PUDP: variants seen among roughly 807,000 people sequenced by gnomAD.
The protein encoded by PUDP is pseudouridine-5'-phosphatase.
In PUDP, 8 loss-of-function variants were observed where a neutral mutation model predicts 9.4. That is an observed-to-expected ratio of 0.85 (90% CI 0.50 to 1.53). The LOEUF (loss-of-function observed/expected upper bound fraction) is 1.53. Ranked by LOEUF, PUDP falls within the 40% of genes most tolerant of loss-of-function variation. PUDP has a pLI of 0.00. For synonymous variants in PUDP, 99 were observed against 80.7 expected, an observed-to-expected ratio of 1.23 and a Z score of -1.22; for missense variants, 188 against 189.7, an observed-to-expected ratio of 0.99 and a Z score of 0.05.
intron 3 of PUDP, among the ~76,000 whole-genome samples, chrX:6,767,977 C>T (rs972577154): frequency 9.0e-6 from 1 of 111,544 alleles, no homozygotes; most frequent in Non-Finnish European, 1.9e-5. Context: ...CTCTCGTTTC[C>T]CATGTACTCA....
At chrX:7,044,860 T>C (rs1326074163), downstream of PUDP, among the ~76,000 whole-genome samples, 1 of 112,926 alleles carries the variant, frequency 8.9e-6, no homozygotes, top group Non-Finnish European at 1.9e-5. Context: ...CGTCTGTGCC[T>C]TTCTTTGCTA....
At chrX:6,751,995 ATCT>A (rs1925097117) in intron 3 of PUDP, among the ~76,000 whole-genome samples, 1 of 110,784 alleles carries the variant, frequency 9.0e-6, no homozygotes, top group Non-Finnish European at 1.9e-5. Context: ...TCTATGTTTC[ATCT>A]CATCATTTCC....
At chrX:6,795,639 A>G (rs1471489064) in intron 3 of PUDP, among the ~76,000 whole-genome samples, 3 of 111,458 alleles carry the variant, frequency 2.7e-5, no homozygotes, top group African/African-American at 9.8e-5. Flanking sequence ...GAAACCTACC[A>G]TTTGGCTTAA....
Position 7,077,240 on chromosome X carries a change from G to A in PUDP, c.490C>T (p.Pro164Ser), listed in dbSNP as rs749492920. Residue 164 changes from proline to serine, a missense_variant, in exon 3 of 4, where the codon CCC becomes TCC. Physicochemically the swap from Pro to Ser is moderately conservative, Grantham distance 74 (BLOSUM62 -1). Transcript: ENST00000381077. ...IFLACAKRFS[P>S]PPAMEKCLVF... The stretch of plus-strand genomic sequence containing the variant: ...CTTACCTTCTCCATAGCAGGAGGGG[G>A]AGAGAACCTCTTGGCACAAGCTAGG... 8.4e-7 allele frequency: 1 copy of A among 1,196,644 alleles called. No individual in the cohort carries two copies. The highest frequency in any genetic ancestry group is 1.1e-6 in the Non-Finnish European group (1 of 887,875).
chrX:6,776,533 AAAAC>A (rs1338148288), intron 3 of PUDP, among the ~76,000 whole-genome samples: 3 of 111,036 alleles, frequency 2.7e-5, no homozygotes, highest in African/African-American at 9.8e-5. Flanking sequence ...TCCATCACAA[AAAAC>A]AAACAAACAA....
chrX:6,847,941 T>C, intron 3 of PUDP, among the ~76,000 whole-genome samples: 1 of 111,860 alleles, frequency 8.9e-6, no homozygotes, highest in Middle Eastern at 4.6e-3. Context: ...ATATGTGATA[T>C]TGGCCAAAGC....
At chrX:6,804,417 T>C (rs1354060882) in intron 3 of PUDP, among the ~76,000 whole-genome samples, 2 of 111,770 alleles carry the variant, frequency 1.8e-5, no homozygotes, top group Admixed American at 1.9e-4. Context: ...TAGCTGAATT[T>C]CCTTACCTAT....
chrX:6,752,392 T>G (rs182706527), intron 3 of PUDP, among the ~76,000 whole-genome samples: 19 of 111,643 alleles, frequency 1.7e-4, no homozygotes, highest in African/African-American at 6.2e-4. Context: ...AGAGGTGGAC[T>G]TTCACCTGAA....
At chrX:7,036,158 C>G (rs1929850252) in intron 1 of PUDP, among the ~76,000 whole-genome samples, 1 of 111,954 alleles carries the variant, frequency 8.9e-6, no homozygotes, top group African/African-American at 3.3e-5. Flanking sequence ...TATAAATTAT[C>G]CAGCCTCAGG....
intron 3 of PUDP, among the ~76,000 whole-genome samples, chrX:6,941,341 C>CTTTTTTT (rs761887998): frequency 2.5e-5 from 2 of 78,646 alleles, no homozygotes; most frequent in African/African-American, 9.7e-5. Flanking sequence ...TCTTTTCTGT[C>CTTTTTTT]TTTTTTTTTT....
intron 3 of PUDP, among the ~76,000 whole-genome samples, chrX:6,790,882 G>C (rs1315894769): frequency 8.9e-6 from 1 of 112,079 alleles, no homozygotes; most frequent in Non-Finnish European, 1.9e-5. Context: ...ATGTAGACTT[G>C]AGATTTCTGC....
chrX:7,077,549 A>G, intron 2 of PUDP, 100 bp from the exon 3 acceptor site: 1 of 616,205 alleles, frequency 1.6e-6, no homozygotes, highest in Non-Finnish European at 2.6e-6. Context: ...GCACACTCTC[A>G]GGCTGCTCCT....
At chrX:7,043,072 T>C (rs1474113461) in intron 1 of PUDP, among the ~76,000 whole-genome samples, 1 of 111,716 alleles carries the variant, frequency 9.0e-6, no homozygotes, top group Non-Finnish European at 1.9e-5. Flanking sequence ...GTTTTTGCTT[T>C]TTTACCCCCA....
chrX:6,955,153 C>T (rs1372833010), intron 3 of PUDP, among the ~76,000 whole-genome samples: 1 of 111,912 alleles, frequency 8.9e-6, no homozygotes, highest in Non-Finnish European at 1.9e-5. Context: ...AGATTAAATT[C>T]TTTACTACAT....
At chrX:7,054,387 G>A (rs1158042274) in intron 3 of PUDP, among the ~76,000 whole-genome samples, 2 of 106,489 alleles carry the variant, frequency 1.9e-5, no homozygotes, top group Non-Finnish European at 3.9e-5. Flanking sequence ...TCCAGACTGG[G>A]CCACAGAGTG....
chrX:7,141,671 G>C (rs937655219), intron 1 of PUDP, among the ~76,000 whole-genome samples: 1 of 112,635 alleles, frequency 8.9e-6, no homozygotes, highest in Non-Finnish European at 1.9e-5. Context: ...AGACAAAACA[G>C]CCTTCTATTG....
rs1358665012 is a variant in PUDP at position 7,103,008 on chromosome X, T to C, written c.280+2612A>G. ...ACATTCATAGCATGCAAAGCAATCC[T>C]ACAGATTCAATGCAATCCCTATCAA... On this transcript the variant is annotated intron_variant, in intron 2 of 3. Coordinates refer to ENST00000381077, the MANE Select transcript of PUDP (RefSeq NM_012080.5). 2.7e-5 allele frequency among the ~76,000 whole-genome samples: 3 copies of C among 112,057 alleles called. No individual in the cohort carries two copies. The Admixed American group carries it at 2.8e-4, about 11-fold the overall frequency.
chrX:7,003,921 G>C lies in PUDP; in HGVS notation c.205-25578C>G, dbSNP rs1228719017. 1.1e-4 allele frequency among the ~76,000 whole-genome samples: 12 copies of C among 111,337 alleles called. No homozygotes were observed. The Admixed American group carries it at 1.1e-3, about 11-fold the overall frequency. On this transcript the variant is annotated intron_variant and NMD_transcript_variant, in intron 1 of 3. Coordinates refer to the PUDP transcript ENST00000655425. ...AGATAGGGTCTCACTCTGTTGCCTA[G>C]GCTGGAGTGCAGTGGCACAATCTCA...
At chrX:7,109,461 G>C (rs1319591954) in intron 1 of PUDP, among the ~76,000 whole-genome samples, 1 of 112,088 alleles carries the variant, frequency 8.9e-6, no homozygotes, top group African/African-American at 3.2e-5. Flanking sequence ...GCGAGTGTGC[G>C]AACAGGAAGA....
Sources: allele counts gnomAD v4.1 joint callset (sites outside exome capture counted in the v4.1 genomes callset), GRCh38; gene constraint gnomAD v4.1.1; transcripts MANE v1.5; gene names NCBI Gene and HGNC (gene_info 2026-07-23, HGNC 2026-07-21).